The following ENTREP2 variants were observed in gnomAD, a reference collection of about 807,000 sequenced individuals.
ENTREP2 encodes protein ENTREP2.
chr15:29,480,394 G>A, the ENTREP2 span, among the ~76,000 whole-genome samples: 1 of 145,122 alleles, frequency 6.9e-6, no homozygotes, highest in African/African-American at 2.6e-5. Flanking sequence ...AGAAATAAGT[G>A]GGTGTCCAGT....
At chr15:29,448,339 C>A in the ENTREP2 span, among the ~76,000 whole-genome samples, 1 of 152,160 alleles carries the variant, frequency 6.6e-6, no homozygotes, top group African/African-American at 2.4e-5. Flanking sequence ...CTTCAAGAAT[C>A]TCCCTGGCAG....
the ENTREP2 span, among the ~76,000 whole-genome samples, chr15:29,311,920 C>T: frequency 6.6e-6 from 1 of 152,240 alleles, no homozygotes; most frequent in Non-Finnish European, 1.5e-5. Context: ...TATAGTCCAT[C>T]CTGTTAACAG....
the ENTREP2 span, among the ~76,000 whole-genome samples, chr15:29,198,984 A>G: frequency 5.3e-5 from 8 of 152,258 alleles, no homozygotes; most frequent in African/African-American, 1.9e-4. Flanking sequence ...CCATTTATAT[A>G]TCTATTCTCT....
the ENTREP2 span, among the ~76,000 whole-genome samples, chr15:29,147,091 A>C: frequency 1.3e-5 from 2 of 152,260 alleles, no homozygotes; most frequent in African/African-American, 4.8e-5. Context: ...ACTTTTGTGC[A>C]TCAAGTGAAA....
chr15:29,580,924 T>C, the ENTREP2 span, among the ~76,000 whole-genome samples: 5 of 152,196 alleles, frequency 3.3e-5, no homozygotes, highest in African/African-American at 1.2e-4. Context: ...TTTTAAGCCA[T>C]CTATTCTATA....
chr15:29,136,392 C>G, the ENTREP2 span: 1 of 1,519,794 alleles, frequency 6.6e-7, no homozygotes, highest in Non-Finnish European at 8.8e-7. Flanking sequence ...TGGCCCACCA[C>G]CGCCTCGTAC....
chr15:29,326,553 G>A, the ENTREP2 span, among the ~76,000 whole-genome samples: 2 of 151,996 alleles, frequency 1.3e-5, no homozygotes. Context: ...AAACTCAAAT[G>A]AAAGAGTTCA....
At chr15:29,271,440 A>G in the ENTREP2 span, among the ~76,000 whole-genome samples, 1 of 152,256 alleles carries the variant, frequency 6.6e-6, no homozygotes, top group Non-Finnish European at 1.5e-5. Context: ...ACCTGTTTTA[A>G]GAAAAAACAA....
At chr15:29,356,306 T>A in the ENTREP2 span, among the ~76,000 whole-genome samples, 18 of 89,572 alleles carry the variant, frequency 2.0e-4, no homozygotes, top group African/African-American at 4.0e-4. Context: ...ATTTTTTTTT[T>A]TTTTTTTTTT....
the ENTREP2 span, among the ~76,000 whole-genome samples, chr15:29,210,768 G>A: frequency 1.3e-5 from 2 of 152,148 alleles, no homozygotes; most frequent in African/African-American, 2.4e-5. Flanking sequence ...CTTCCTCTTG[G>A]AAACTGCGAG....
At chr15:29,462,163 T>C in the ENTREP2 span, among the ~76,000 whole-genome samples, 1 of 152,326 alleles carries the variant, frequency 6.6e-6, no homozygotes. Context: ...AATGGACGCT[T>C]GGGTTGCTTC....
the ENTREP2 span, among the ~76,000 whole-genome samples, chr15:29,189,672 G>T: frequency 6.6e-6 from 1 of 152,064 alleles, no homozygotes; most frequent in Non-Finnish European, 1.5e-5. Flanking sequence ...ACTAAAGGTG[G>T]CTAGATGCAG....
chr15:29,230,928 T>C, the ENTREP2 span, among the ~76,000 whole-genome samples: 1 of 152,176 alleles, frequency 6.6e-6, no homozygotes, highest in Non-Finnish European at 1.5e-5. Flanking sequence ...AAAGTTTCAC[T>C]CTGGCTGCTG....
the ENTREP2 span, among the ~76,000 whole-genome samples, chr15:29,454,947 G>A: frequency 1.3e-5 from 2 of 152,214 alleles, no homozygotes; most frequent in East Asian, 3.8e-4. Flanking sequence ...AGTGGCTGTG[G>A]CAGATCACAC....
At chr15:29,339,604 C>T in the ENTREP2 span, among the ~76,000 whole-genome samples, 9 of 152,182 alleles carry the variant, frequency 5.9e-5, no homozygotes, top group Admixed American at 1.3e-4. Context: ...TACCAAATAA[C>T]GTTTTAATGA....
the ENTREP2 span, among the ~76,000 whole-genome samples, chr15:29,617,147 G>A: frequency 6.6e-6 from 1 of 152,180 alleles, no homozygotes; most frequent in African/African-American, 2.4e-5. Flanking sequence ...AAGTCCCACG[G>A]CAGGCTGTCT....
At chr15:29,574,438 C>T in the ENTREP2 span, among the ~76,000 whole-genome samples, 3 of 152,152 alleles carry the variant, frequency 2.0e-5, no homozygotes, top group East Asian at 1.9e-4. Flanking sequence ...GGACTACAGG[C>T]GCACGCCCCC....
chr15:29,452,140 T>C, the ENTREP2 span, among the ~76,000 whole-genome samples: 1 of 152,184 alleles, frequency 6.6e-6, no homozygotes, highest in African/African-American at 2.4e-5. Context: ...AACCCAGAAA[T>C]GTTTAACACA....
At chr15:29,627,777 T>G in the ENTREP2 span, among the ~76,000 whole-genome samples, 2 of 152,114 alleles carry the variant, frequency 1.3e-5, no homozygotes, top group African/African-American at 4.8e-5. Flanking sequence ...ACTTTGCACA[T>G]GTTTTCAAGG....
Sources: gnomAD v4.1 joint callset for allele counts (sites outside exome capture counted in the v4.1 genomes callset) on GRCh38, gnomAD v4.1.1 for gene constraint, MANE v1.5 for transcripts, NCBI Gene and HGNC (gene_info 2026-07-23, HGNC 2026-07-21) for gene names.